The following PAFAH2 variants were observed in gnomAD, a reference collection of about 807,000 sequenced individuals.
The protein encoded by PAFAH2 is platelet-activating factor acetylhydrolase 2, cytoplasmic.
A neutral mutation model predicts 49.0 loss-of-function variants in PAFAH2; 42 were observed. The observed-to-expected ratio is 0.86, with a 90% confidence interval of 0.67 to 1.11. The LOEUF is 1.11. Ranked by LOEUF, PAFAH2 falls within the 50% of genes least tolerant of loss-of-function variation. The pLI is 0.00. For synonymous variants in PAFAH2, 184 were observed against 181.3 expected (o/e 1.01, Z -0.12); for missense variants, 503 against 501.8 (o/e 1.00, Z -0.02).
intron 10 of PAFAH2, among the ~76,000 whole-genome samples, chr1:25,968,148 A>G (rs577508168): frequency 1.3e-5 from 2 of 152,256 alleles, no homozygotes; most frequent in East Asian, 1.9e-4. Flanking sequence ...CCTGGGTGAC[A>G]GAGTGAGACT....
chr1:25,973,006 G>A (rs1300353228), intron 9 of PAFAH2, among the ~76,000 whole-genome samples: 2 of 152,180 alleles, frequency 1.3e-5, no homozygotes. Context: ...GGAAAAGGTT[G>A]AGCTAGCAGG....
chr1:25,977,045 C>T (rs1453194594), intron 7 of PAFAH2, among the ~76,000 whole-genome samples: 8 of 111,372 alleles, frequency 7.2e-5, no homozygotes, highest in Admixed American at 3.6e-4. Flanking sequence ...TTTTTTGAGA[C>T]GGAGTCTCGC....
At chr1:25,976,890 G>T in intron 7 of PAFAH2, 117 bp from the exon 8 acceptor site, 4 of 693,762 alleles carry the variant, frequency 5.8e-6, no homozygotes, top group Non-Finnish European at 1.0e-5. Flanking sequence ...AATACAGCAA[G>T]TGAGTCCACC....
intron 3 of PAFAH2, among the ~76,000 whole-genome samples, chr1:25,988,881 G>A (rs941449105): frequency 2.0e-5 from 3 of 151,754 alleles, no homozygotes; most frequent in African/African-American, 7.3e-5. Flanking sequence ...ACTGAACCCG[G>A]GGTAAACTGC....
chr1:25,966,923 T>G (rs908512656), intron 10 of PAFAH2, among the ~76,000 whole-genome samples: 9 of 151,218 alleles, frequency 6.0e-5, no homozygotes, highest in Non-Finnish European at 1.3e-4. Context: ...TCCCAGCTAC[T>G]CGGGAGGCTG....
chr1:25,984,117 C>T (rs2049740813), intron 5 of PAFAH2, 30 bp from the exon 6 acceptor site: 4 of 1,612,592 alleles, frequency 2.5e-6, no homozygotes, highest in Non-Finnish European at 3.4e-6. Flanking sequence ...AGAGAGAAAC[C>T]AGAAAACATT....
intron 10 of PAFAH2, among the ~76,000 whole-genome samples, chr1:25,963,693 A>G (rs1461426354): frequency 6.6e-6 from 1 of 152,272 alleles, no homozygotes; most frequent in East Asian, 1.9e-4. Context: ...AGTAGAGACG[A>G]GGTTTCACCA....
chr1:25,968,317 GATTATAC>G (rs1207510538), intron 10 of PAFAH2, among the ~76,000 whole-genome samples: 1 of 152,178 alleles, frequency 6.6e-6, no homozygotes, highest in African/African-American at 2.4e-5. Context: ...AAGGAAAGCT[GATTATAC>G]ACAGGAAGGT....
chr1:25,972,525 C>G (rs749128099), intron 10 of PAFAH2, 33 bp downstream of exon 10: 1 of 1,602,980 alleles, frequency 6.2e-7, no homozygotes, highest in South Asian at 1.1e-5. Flanking sequence ...AGGGACCCCA[C>G]AGCTGCCCCA....
At chr1:25,974,448 G>A (rs999259643) in intron 9 of PAFAH2, 32 bp downstream of exon 9, 2 of 1,540,788 alleles carry the variant, frequency 1.3e-6, no homozygotes, top group South Asian at 1.2e-5. Flanking sequence ...AATGGAGAGG[G>A]CCCTGGGATC....
chr1:25,978,891 C>T (rs1264569047), intron 7 of PAFAH2, among the ~76,000 whole-genome samples: 1 of 152,226 alleles, frequency 6.6e-6, no homozygotes, highest in Admixed American at 6.5e-5. Context: ...GCAAATACAT[C>T]CACTGTCCCA....
At chr1:25,977,171 C>T (rs539576049) in intron 7 of PAFAH2, among the ~76,000 whole-genome samples, 6 of 150,958 alleles carry the variant, frequency 4.0e-5, no homozygotes, top group South Asian at 2.1e-4. Context: ...TACAGGCGCC[C>T]GCTACCACGC....
chr1:25,969,912 C>A (rs893347370), intron 10 of PAFAH2, among the ~76,000 whole-genome samples: 2 of 152,114 alleles, frequency 1.3e-5, no homozygotes, highest in African/African-American at 4.8e-5. Flanking sequence ...TGGGTCCATT[C>A]CCTGCTTGCC....
At chr1:25,994,702 C>A (rs567024559) in intron 1 of PAFAH2, among the ~76,000 whole-genome samples, 1 of 152,134 alleles carries the variant, frequency 6.6e-6, no homozygotes, top group East Asian at 1.9e-4. Context: ...GGAACCAGGA[C>A]AATAGTCCTT....
rs745341931 is a variant in PAFAH2, at chr1:25,990,772, G to A, written c.45C>T (p.Pro15=). The change falls in exon 2 of 11, where the codon CCC becomes CCT. Residue 15 remains proline (P), a synonymous_variant. Coordinates refer to ENST00000374282, the MANE Select transcript of PAFAH2 (RefSeq NM_000437.4). ...QSVGFPPVTG[P]HLVGCGDVME... Reference sequence around the variant, plus strand: ...TCACATCCCCACAGCCTACGAGGTGGGGTCCTGTGACAGGTGGAAAGCCCA... The same window carrying A: ...TCACATCCCCACAGCCTACGAGGTGAGGTCCTGTGACAGGTGGAAAGCCCA... The A allele has an allele frequency of 6.2e-7, 1 of 1,614,030 alleles. No homozygotes were observed. The highest frequency in any genetic ancestry group is 8.5e-7 in the Non-Finnish European group (1 of 1,179,940).
rs1198884910 is a variant in PAFAH2 at position 25,961,108 on chromosome 1, CTTTATTT to C, written c.*874_*880del. The C allele has an allele frequency of 6.6e-6, 1 of 152,248 alleles. No homozygotes were observed. The highest frequency in any genetic ancestry group is 1.5e-5 in the Non-Finnish European group (1 of 68,160). 9.4% of individuals were successfully genotyped at this position (152,248 alleles called of 1,614,324 possible). A position where few individuals can be genotyped will look rare whatever the true frequency, so the allele number is the denominator to read the frequency against. On this transcript the variant is annotated 3_prime_UTR_variant, in exon 11 of 11. Coordinates refer to ENST00000374282, the MANE Select transcript of PAFAH2 (RefSeq NM_000437.4). Reference sequence around the variant, plus strand: ...GGCATGAGCCACCACGCCCAGCCTTCTTTATTTTTAAGATGGGGTCTCGCTCTACTGT... The same window carrying C: ...GGCATGAGCCACCACGCCCAGCCTTCTTAAGATGGGGTCTCGCTCTACTGT...
At chr1:25,996,092 A>C (rs937799698) in intron 1 of PAFAH2, among the ~76,000 whole-genome samples, 101 of 152,304 alleles carry the variant, frequency 6.6e-4, no homozygotes, top group African/African-American at 2.4e-3. Context: ...GCAGTGGCTC[A>C]TGCCTATAAT....
At chr1:25,991,809 C>T (rs2049880438) in intron 1 of PAFAH2, among the ~76,000 whole-genome samples, 1 of 152,028 alleles carries the variant, frequency 6.6e-6, no homozygotes, top group Admixed American at 6.6e-5. Flanking sequence ...AAGAGAATCG[C>T]TTGAACCTGG....
intron 8 of PAFAH2, 73 bp from the exon 9 acceptor site, chr1:25,974,723 G>A: frequency 2.8e-6 from 4 of 1,422,586 alleles, no homozygotes; most frequent in Non-Finnish European, 3.8e-6. Flanking sequence ...TGGAGGGAAG[G>A]GCGGAGTTCC....
Sources: gnomAD v4.1 joint callset for allele counts (sites outside exome capture counted in the v4.1 genomes callset) on GRCh38, gnomAD v4.1.1 for gene constraint, MANE v1.5 for transcripts, NCBI Gene and HGNC (gene_info 2026-07-23, HGNC 2026-07-21) for gene names.